CWF19L2: variants seen among roughly 807,000 people sequenced by gnomAD.
CWF19L2 encodes CWF19-like protein 2.
Under a neutral mutation model 111.7 loss-of-function variants are expected in CWF19L2, and 98 were observed. The ratio of observed to expected loss-of-function variants is 0.88; its 90% CI spans 0.75 to 1.04. CWF19L2 has a LOEUF of 1.04. Among genes scored for constraint, CWF19L2 ranks in the 50% least tolerant of loss-of-function variants. The pLI is 0.00. For missense variants in CWF19L2, 1,101 were observed against 1,051.4 expected (o/e 1.05, Z -0.65); for synonymous variants, 351 against 342.9 (o/e 1.02, Z -0.26).
intron 14 of CWF19L2, among the ~76,000 whole-genome samples, chr11:107,346,712 G>C (rs1466268961): frequency 6.6e-6 from 1 of 152,162 alleles, no homozygotes; most frequent in Non-Finnish European, 1.5e-5. Flanking sequence ...AGCTGGGCTA[G>C]AAAACCAGAC....
chr11:107,326,999 G>C lies in CWF19L2; in HGVS notation c.2596C>G (p.Arg866Gly). 2 of 1,611,762 alleles carry C rather than the reference G, an allele frequency of 1.2e-6. No homozygotes were observed. Among genetic ancestry groups the C allele is most frequent in the Non-Finnish European group, 1.7e-6 (2 of 1,178,810 alleles). Residue 866 changes from arginine to glycine, a missense_variant, in exon 18 of 18, where the codon CGA becomes GGA. Transcript: ENST00000282251. ...IEPRLWRKGI[R>G]ESFEDQRKKA... ...TTCCTCTGATCCTCAAAGCTTTCTC[G>C]GATGCCTTTCCTCCAAAGTCTTGGT...
chr11:107,406,540 C>T (rs182686770), intron 10 of CWF19L2, among the ~76,000 whole-genome samples: 156 of 152,322 alleles, frequency 1.0e-3, no homozygotes, highest in East Asian at 3.9e-4. Flanking sequence ...AAAGCATTCA[C>T]AGGACTGCAT....
intron 10 of CWF19L2, 39 bp downstream of exon 10, chr11:107,416,170 A>G: frequency 1.6e-6 from 1 of 622,842 alleles, no homozygotes; most frequent in Non-Finnish European, 2.5e-6. Context: ...GTGGTAGTTT[A>G]CACAAGGTAA....
intron 8 of CWF19L2, among the ~76,000 whole-genome samples, chr11:107,426,093 A>T (rs1861372099): frequency 2.0e-5 from 3 of 151,924 alleles, no homozygotes; most frequent in Admixed American, 2.0e-4. Flanking sequence ...CATTAAAGAA[A>T]GAATGAAAAA....
At chr11:107,440,162 C>T (rs1467545951) in intron 5 of CWF19L2, among the ~76,000 whole-genome samples, 1 of 152,000 alleles carries the variant, frequency 6.6e-6, no homozygotes, top group Non-Finnish European at 1.5e-5. Context: ...GTAAAGGGTG[C>T]TAAAGAACTA....
intron 3 of CWF19L2, among the ~76,000 whole-genome samples, chr11:107,447,412 C>G (rs1455985628): frequency 2.6e-5 from 4 of 152,104 alleles, no homozygotes; most frequent in Non-Finnish European, 5.9e-5. Context: ...AGAAAAATTA[C>G]CATGGAGAAA....
At chr11:107,379,311 T>C (rs776764662) in intron 12 of CWF19L2, among the ~76,000 whole-genome samples, 3 of 152,132 alleles carry the variant, frequency 2.0e-5, no homozygotes, top group Non-Finnish European at 2.9e-5. Context: ...TGGAGACATT[T>C]CTGGCTGTCA....
intron 6 of CWF19L2, among the ~76,000 whole-genome samples, chr11:107,434,683 A>G (rs936269724): frequency 3.9e-5 from 4 of 101,618 alleles, no homozygotes; most frequent in African/African-American, 1.4e-4. Context: ...AAAAAAAAAA[A>G]AAAAAAGAAA....
chr11:107,446,744 C>T (rs917846777), intron 3 of CWF19L2, among the ~76,000 whole-genome samples: 2 of 152,154 alleles, frequency 1.3e-5, no homozygotes, highest in African/African-American at 4.8e-5. Flanking sequence ...TCTTTTTCTA[C>T]TCTTTCAATA....
chr11:107,426,170 A>C (rs1861373057), intron 8 of CWF19L2, among the ~76,000 whole-genome samples: 1 of 145,424 alleles, frequency 6.9e-6, no homozygotes. Flanking sequence ...GAGCTCTCAC[A>C]AACAAACAAT....
chr11:107,455,179 C>T (rs1263542264), intron 2 of CWF19L2, among the ~76,000 whole-genome samples: 1 of 151,860 alleles, frequency 6.6e-6, no homozygotes, highest in African/African-American at 2.4e-5. Context: ...GTTCTCACCA[C>T]AAAAAAATAA....
intron 14 of CWF19L2, among the ~76,000 whole-genome samples, chr11:107,337,421 C>T (rs1232367989): frequency 6.7e-6 from 1 of 149,856 alleles, no homozygotes; most frequent in African/African-American, 2.5e-5. Flanking sequence ...ATTTCACACT[C>T]CTAGGCCTAA....
At chr11:107,356,821 T>C (rs1290524384) in intron 12 of CWF19L2, among the ~76,000 whole-genome samples, 1 of 152,156 alleles carries the variant, frequency 6.6e-6, no homozygotes, top group Non-Finnish European at 1.5e-5. Context: ...GCGGATCACC[T>C]GAGGTTGGGA....
At chr11:107,397,925 T>G (rs965485708) in intron 10 of CWF19L2, among the ~76,000 whole-genome samples, 1 of 152,022 alleles carries the variant, frequency 6.6e-6, no homozygotes, top group Non-Finnish European at 1.5e-5. Context: ...CAACAAACAC[T>G]GCAGTCGGGT....
chr11:107,438,147 A>C (rs667198), intron 6 of CWF19L2, among the ~76,000 whole-genome samples: 18 of 152,102 alleles, frequency 1.2e-4, no homozygotes, highest in Non-Finnish European at 2.5e-4. Flanking sequence ...ATAAAAATAC[A>C]TTATGTATAA....
At chr11:107,445,843 C>A (rs1200896454) in intron 3 of CWF19L2, among the ~76,000 whole-genome samples, 1 of 152,332 alleles carries the variant, frequency 6.6e-6, no homozygotes, top group African/African-American at 2.4e-5. Flanking sequence ...CCAACAGAAT[C>A]CCATTTTATT....
chr11:107,443,091 T>C, intron 3 of CWF19L2, 42 bp from the exon 4 acceptor site: 5 of 1,289,646 alleles, frequency 3.9e-6, no homozygotes, highest in East Asian at 2.5e-5. Context: ...CAAATTTGCA[T>C]ACTTTGATAT....
At chr11:107,454,977 A>G (rs186286438) in intron 2 of CWF19L2, among the ~76,000 whole-genome samples, 2 of 152,296 alleles carry the variant, frequency 1.3e-5, no homozygotes, top group Admixed American at 6.5e-5. Flanking sequence ...AAAAAATATA[A>G]CAAGATAGCA....
At chr11:107,416,703 G>A (rs1000219343) in intron 9 of CWF19L2, among the ~76,000 whole-genome samples, 35 of 152,212 alleles carry the variant, frequency 2.3e-4, no homozygotes, top group Middle Eastern at 3.4e-3. Flanking sequence ...TGAAAATTCC[G>A]AAGATATTTC....
Sources: gnomAD v4.1 joint callset for allele counts (sites outside exome capture counted in the v4.1 genomes callset) on GRCh38, gnomAD v4.1.1 for gene constraint, MANE v1.5 for transcripts, NCBI Gene and HGNC (gene_info 2026-07-23, HGNC 2026-07-21) for gene names.